The following ABCC12 variants were observed in gnomAD, a reference collection of about 807,000 sequenced individuals.
The protein encoded by ABCC12 is ATP binding cassette subfamily C member 12, also known as ATP-binding cassette sub-family C member 12.
A neutral mutation model predicts 151.1 loss-of-function variants in ABCC12; 142 were observed. The ratio of observed to expected loss-of-function variants is 0.94; its 90% CI spans 0.82 to 1.08. ABCC12 has a LOEUF of 1.08. Ranked by LOEUF, ABCC12 falls within the 50% of genes least tolerant of loss-of-function variation. The pLI, the probability that ABCC12 is intolerant of heterozygous loss-of-function variation, is 0.00. For missense variants in ABCC12, 1,638 were observed against 1,691.1 expected (o/e 0.97, Z 0.55); for synonymous variants, 645 against 646.4 (o/e 1.00, Z 0.03).
rs761386559 is a variant in ABCC12 at position 48,115,418 on chromosome 16, T to C, written c.1986A>G (p.Leu662=). The change falls in exon 15 of 31, where the codon CTA becomes CTG. Residue 662 remains leucine, a synonymous_variant. Coordinates refer to ENST00000311303, the MANE Select transcript of ABCC12 (RefSeq NM_001393797.1). ...GKTVVLVTHQ[L]QFLESCDEVI... ...TGGATCCTGCATGTCCCATCACCTGTAGCTGGTGGGTCACCAGGACGACTG... is the reference window on the plus strand; with the variant it reads ...TGGATCCTGCATGTCCCATCACCTGCAGCTGGTGGGTCACCAGGACGACTG... 54 of 1,613,850 alleles carry C rather than the reference T, an allele frequency of 3.3e-5. No homozygotes were observed. The African/African-American group carries it at 4.4e-4, about 13-fold the overall frequency.
At chr16:48,099,109 A>G (rs1027318130) in intron 23 of ABCC12, among the ~76,000 whole-genome samples, 2 of 152,198 alleles carry the variant, frequency 1.3e-5, no homozygotes, top group Non-Finnish European at 2.9e-5. Flanking sequence ...AGAGAGAATT[A>G]GAGGCAATTC....
intron 13 of ABCC12, chr16:48,121,216 G>T (rs1347087953): frequency 6.6e-6 from 1 of 152,120 alleles, no homozygotes; most frequent in African/African-American, 2.4e-5. Flanking sequence ...AAAGATGATG[G>T]CTCAAAGTAA....
chr16:48,152,719 C>G (rs987432066), intron 2 of ABCC12, among the ~76,000 whole-genome samples: 1 of 152,234 alleles, frequency 6.6e-6, no homozygotes, highest in African/African-American at 2.4e-5. Flanking sequence ...CTTCTCAAGA[C>G]GGCCCGCATG....
chr16:48,085,518 G>T (rs960224242), intron 29 of ABCC12, 75 bp downstream of exon 29: 2 of 1,256,524 alleles, frequency 1.6e-6, no homozygotes, highest in African/African-American at 3.0e-5. Context: ...CATACACGTG[G>T]CTCTGCCTCC....
intron 12 of ABCC12, among the ~76,000 whole-genome samples, chr16:48,122,824 C>T (rs1057190366): frequency 1.2e-4 from 19 of 152,212 alleles, no homozygotes; most frequent in African/African-American, 4.6e-4. Context: ...CATGACTGGC[C>T]TTGCAAATTA....
At chr16:48,114,693 G>C (rs1302451976) in intron 15 of ABCC12, among the ~76,000 whole-genome samples, 11 of 152,208 alleles carry the variant, frequency 7.2e-5, no homozygotes, top group African/African-American at 2.7e-4. Context: ...AAGAGAGAGG[G>C]AGATGGTCTG....
chr16:48,083,176 T>G lies in ABCC12; in HGVS notation c.*539A>C, dbSNP rs1469704976. On this transcript the variant is annotated 3_prime_UTR_variant, in exon 31 of 31. Coordinates refer to ENST00000311303, the MANE Select transcript of ABCC12 (RefSeq NM_001393797.1). Reference sequence around the variant, plus strand: ...TCAATTGAAACATATAATATGATTTTTAAAAAAATTTTTGGCCAAACACTG... The same window carrying G: ...TCAATTGAAACATATAATATGATTTGTAAAAAAATTTTTGGCCAAACACTG... The G allele has an allele frequency of 6.6e-6, 1 of 152,358 alleles. No homozygotes were observed. Among genetic ancestry groups the G allele is most frequent in the African/African-American group, 2.4e-5 (1 of 41,472 alleles). 9.4% of individuals were successfully genotyped at this position (152,358 alleles called of 1,614,324 possible).
chr16:48,107,192 A>G, intron 20 of ABCC12, 130 bp downstream of exon 20: 2 of 873,552 alleles, frequency 2.3e-6, no homozygotes, highest in Non-Finnish European at 3.8e-6. Context: ...TCTGACTCCC[A>G]CTTCTTGAAA....
At chr16:48,095,040 G>C (rs943247122) in intron 24 of ABCC12, among the ~76,000 whole-genome samples, 2 of 152,182 alleles carry the variant, frequency 1.3e-5, no homozygotes, top group Non-Finnish European at 2.9e-5. Context: ...AAAGAAGGGA[G>C]GAGAGTTTAG....
In ABCC12 at chr16:48,107,434, G is replaced by C. The variant is rs946515988; in HGVS notation, c.2372-9C>G. On this transcript the variant is annotated splice_polypyrimidine_tract_variant and intron_variant, in intron 19 of 30. Coordinates refer to ENST00000311303, the MANE Select transcript of ABCC12 (RefSeq NM_001393797.1). Reference sequence around the variant, plus strand: ...GAGAGAAAGGAGGTACCCTGCAAGAGGAGCGGAGAGGCCCAAGGGGCTGCA... The same window carrying C: ...GAGAGAAAGGAGGTACCCTGCAAGACGAGCGGAGAGGCCCAAGGGGCTGCA... The C allele has an allele frequency of 1.2e-6, 2 of 1,612,832 alleles. No homozygotes were observed. Among genetic ancestry groups the C allele is most frequent in the Admixed American group, 1.7e-5 (1 of 60,010 alleles).
At chr16:48,141,451 GC>G in intron 4 of ABCC12, 98 bp from the exon 5 acceptor site, 2 of 1,491,658 alleles carry the variant, frequency 1.3e-6, no homozygotes, top group African/African-American at 2.8e-5. Flanking sequence ...GCTCGGCAGA[GC>G]CCCCCTCCCT....
At position 48,140,454 on chromosome 16, in the gene ABCC12, G is replaced by A. The variant is rs142151163; in HGVS notation, c.657+233C>T. Among the ~76,000 whole-genome samples, 438 of 152,148 alleles carry A rather than the reference G, an allele frequency of 2.9e-3. 1 individual carries two copies. The highest frequency in any genetic ancestry group is 8.1e-3 in the African/African-American group (338 of 41,504). On this transcript the variant is annotated intron_variant, in intron 6 of 30. Coordinates refer to ENST00000311303, the MANE Select transcript of ABCC12 (RefSeq NM_001393797.1). The stretch of plus-strand genomic sequence containing the variant: ...TTAAGTCTCCCTGAGCCCTGTTCCC[G>A]CTGGAACTAGGAAGTCTCTCCAAAT...
At chr16:48,095,890 T>A (rs1333380534) in intron 24 of ABCC12, among the ~76,000 whole-genome samples, 1 of 152,162 alleles carries the variant, frequency 6.6e-6, no homozygotes, top group Non-Finnish European at 1.5e-5. Flanking sequence ...GAATAAGGAC[T>A]ATGTCAAAAA....
chr16:48,150,522 A>G (rs892531572), intron 2 of ABCC12, among the ~76,000 whole-genome samples: 1 of 152,212 alleles, frequency 6.6e-6, no homozygotes, highest in East Asian at 1.9e-4. Context: ...TACCATTTAT[A>G]TAAAGTTTGC....
rs1397933766 is a variant in ABCC12, at chr16:48,117,347, G to C, written c.1713-14C>G. The stretch of plus-strand genomic sequence containing the variant: ...GTGTGCTGATACCTGTTGGTGCAAA[G>C]CTCAGAAGTAGCTGGGTGAGAAAGA... On this transcript the variant is annotated splice_polypyrimidine_tract_variant and intron_variant, in intron 13 of 30. Transcript: ENST00000311303. 1 of 1,612,936 alleles carries C rather than the reference G, an allele frequency of 6.2e-7. No individual in the cohort carries two copies. The highest frequency in any genetic ancestry group is 2.2e-5 in the East Asian group (1 of 44,866).
intron 2 of ABCC12, among the ~76,000 whole-genome samples, chr16:48,151,205 G>A (rs1427082604): frequency 6.6e-6 from 1 of 152,118 alleles, no homozygotes; most frequent in African/African-American, 2.4e-5. Flanking sequence ...AATATGATGG[G>A]GCAAAAAGGG....
chr16:48,095,088 T>G (rs1431370207), intron 24 of ABCC12, among the ~76,000 whole-genome samples: 9 of 152,202 alleles, frequency 5.9e-5, no homozygotes, highest in African/African-American at 2.2e-4. Context: ...TGGTTTGGCT[T>G]TGTCCCCACA....
chr16:48,119,028 G>C (rs142976921), intron 13 of ABCC12, among the ~76,000 whole-genome samples: 1 of 152,178 alleles, frequency 6.6e-6, no homozygotes, highest in Non-Finnish European at 1.5e-5. Context: ...CTCAGACTGC[G>C]CAGCACATCT....
At position 48,145,064 on chromosome 16, in the gene ABCC12, A is replaced by G. The variant is rs556908547; in HGVS notation, c.120-999T>C. On this transcript the variant is annotated intron_variant, in intron 3 of 30. Coordinates refer to ENST00000311303, the MANE Select transcript of ABCC12 (RefSeq NM_001393797.1). ...GTCATTCCCTTCAGCACCTCCCCACATTGCCTCTCCACAAAGCGATTATAA... is the reference window on the plus strand; with the variant it reads ...GTCATTCCCTTCAGCACCTCCCCACGTTGCCTCTCCACAAAGCGATTATAA... 1.1e-3 allele frequency among the ~76,000 whole-genome samples: 165 copies of G among 152,226 alleles called. 1 individual carries two copies. The highest frequency in any genetic ancestry group is 2.1e-3 in the Non-Finnish European group (143 of 68,022).
Sources: allele counts gnomAD v4.1 joint callset (sites outside exome capture counted in the v4.1 genomes callset), GRCh38; gene constraint gnomAD v4.1.1; transcripts MANE v1.5; gene names NCBI Gene and HGNC (gene_info 2026-07-23, HGNC 2026-07-21).